The following DAB1 variants were observed in gnomAD, a reference collection of about 807,000 sequenced individuals.
DAB1 encodes disabled homolog 1.
DAB1 carries 15 observed loss-of-function variants against 64.6 expected under a neutral mutation model. That is an observed-to-expected ratio of 0.23 (90% CI 0.16 to 0.36). DAB1 has a LOEUF of 0.36. Ranked by LOEUF, DAB1 falls within the 10% of genes least tolerant of loss-of-function variation. DAB1 has a pLI of 1.00. For missense variants in DAB1, 596 were observed against 706.7 expected (o/e 0.84, Z 1.78); for synonymous variants, 235 against 251.9 (o/e 0.93, Z 0.64).
intron 4 of DAB1, among the ~76,000 whole-genome samples, chr1:58,185,604 G>A (rs544847509): frequency 6.6e-6 from 1 of 152,212 alleles, no homozygotes; most frequent in South Asian, 2.1e-4. Flanking sequence ...TTTAATATAT[G>A]ATATCCCTCT....
chr1:57,039,869 C>T (rs757469515), intron 9 of DAB1, among the ~76,000 whole-genome samples: 1 of 152,060 alleles, frequency 6.6e-6, no homozygotes, highest in Non-Finnish European at 1.5e-5. Flanking sequence ...AATTGTGACG[C>T]CTGAGAAATG....
intron 4 of DAB1, among the ~76,000 whole-genome samples, chr1:58,315,792 T>C (rs1220088449): frequency 1.3e-5 from 2 of 152,160 alleles, no homozygotes; most frequent in East Asian, 3.9e-4. Context: ...TTCTCGTAAA[T>C]CACGGGAGCA....
chr1:58,337,979 T>C (rs547001655), intron 4 of DAB1, among the ~76,000 whole-genome samples: 1 of 121,614 alleles, frequency 8.2e-6, no homozygotes, highest in South Asian at 2.7e-4. Flanking sequence ...AACTTACATG[T>C]TTTTTCCACT....
chr1:57,798,266 T>A (rs1207334997), intron 6 of DAB1, among the ~76,000 whole-genome samples: 1 of 152,214 alleles, frequency 6.6e-6, no homozygotes, highest in Non-Finnish European at 1.5e-5. Flanking sequence ...AGCAGAGAGC[T>A]GCGGTGACTT....
chr1:57,543,831 G>A (rs1219540041), intron 7 of DAB1, among the ~76,000 whole-genome samples: 1 of 151,886 alleles, frequency 6.6e-6, no homozygotes, highest in Non-Finnish European at 1.5e-5. Context: ...AGCCAGGTGT[G>A]GTGGCACACA....
At chr1:57,664,988 A>C (rs1416524042) in intron 6 of DAB1, among the ~76,000 whole-genome samples, 1 of 152,056 alleles carries the variant, frequency 6.6e-6, no homozygotes, top group African/African-American at 2.4e-5. Flanking sequence ...AATTTCTAAA[A>C]TTTCTACCAT....
chr1:57,250,127 G>C (rs139970544), intron 2 of DAB1, among the ~76,000 whole-genome samples: 12 of 152,248 alleles, frequency 7.9e-5, no homozygotes, highest in African/African-American at 2.9e-4. Flanking sequence ...AAATAAAAGT[G>C]CTTGCCCAAG....
chr1:58,448,738 G>A (rs1458845800), intron 3 of DAB1, among the ~76,000 whole-genome samples: 1 of 152,158 alleles, frequency 6.6e-6, no homozygotes, highest in Non-Finnish European at 1.5e-5. Context: ...AGAAATAAGG[G>A]GAAAATCCCA....
chr1:57,848,533 T>C (rs754993013), intron 1 of DAB1, among the ~76,000 whole-genome samples: 5 of 152,218 alleles, frequency 3.3e-5, no homozygotes, highest in Non-Finnish European at 5.9e-5. Context: ...TCACTTCTAC[T>C]GAGTCACAGC....
intron 3 of DAB1, among the ~76,000 whole-genome samples, chr1:58,407,458 G>A (rs1036114195): frequency 1.3e-5 from 2 of 152,172 alleles, no homozygotes; most frequent in Non-Finnish European, 2.9e-5. Context: ...ACCAAGGGAT[G>A]ATATCAGGAA....
intron 7 of DAB1, among the ~76,000 whole-genome samples, chr1:57,579,297 T>C (rs1166494194): frequency 6.6e-6 from 1 of 152,232 alleles, no homozygotes; most frequent in Non-Finnish European, 1.5e-5. Flanking sequence ...TTCCTTGTTC[T>C]GTGATAGACA....
At chr1:57,241,923 C>T (rs1668523126) in intron 2 of DAB1, among the ~76,000 whole-genome samples, 2 of 152,192 alleles carry the variant, frequency 1.3e-5, no homozygotes, top group Non-Finnish European at 2.9e-5. Context: ...TTTCCAACAG[C>T]TCTTATGAAT....
At chr1:57,053,666 G>GTATATATATATATATATA (rs71051215) in intron 9 of DAB1, among the ~76,000 whole-genome samples, 8 of 99,160 alleles carry the variant, frequency 8.1e-5, no homozygotes, top group African/African-American at 2.6e-4. Context: ...CTCTCTATAT[G>GTATATATATATATATATA]TATATATATA....
At chr1:57,043,402 G>A (rs1648051421) in intron 9 of DAB1, among the ~76,000 whole-genome samples, 1 of 152,076 alleles carries the variant, frequency 6.6e-6, no homozygotes, top group African/African-American at 2.4e-5. Context: ...AAGCTTTCAT[G>A]AAGAAATGCT....
rs549985262 is a variant in DAB1 at position 57,052,213 on chromosome 1, C to T, written c.723+10671G>A. 9.3e-4 allele frequency among the ~76,000 whole-genome samples: 142 copies of T among 152,262 alleles called. 1 individual carries two copies. Among genetic ancestry groups the T allele is most frequent in the African/African-American group, 3.4e-3 (140 of 41,558 alleles). ...ACAGCAGATGCTCAATAAAGTCTAG[C>T]TACTTTTTCTACAGCAAAATCAACC... On this transcript the variant is annotated intron_variant, in intron 9 of 14. Transcript: ENST00000371236.
At chr1:57,935,418 T>A (rs1313940468) in intron 5 of DAB1, among the ~76,000 whole-genome samples, 5 of 152,210 alleles carry the variant, frequency 3.3e-5, no homozygotes. Flanking sequence ...TCAATAAATG[T>A]CAAGTAGTAT....
intron 6 of DAB1, among the ~76,000 whole-genome samples, chr1:57,701,675 C>A (rs556105280): frequency 6.6e-6 from 1 of 151,328 alleles, no homozygotes; most frequent in Non-Finnish European, 1.5e-5. Context: ...CATATGTACC[C>A]TAAAACTTAA....
intron 6 of DAB1, among the ~76,000 whole-genome samples, chr1:57,695,323 A>AGAAAGAAG (rs1557427678): frequency 8.4e-6 from 1 of 118,476 alleles, no homozygotes; most frequent in African/African-American, 3.1e-5. Flanking sequence ...AAAGAAAGAA[A>AGAAAGAAG]GAAAGAAAGA....
intron 7 of DAB1, among the ~76,000 whole-genome samples, chr1:57,608,467 T>A (rs1645687480): frequency 6.6e-6 from 1 of 152,188 alleles, no homozygotes; most frequent in African/African-American, 2.4e-5. Context: ...TAAAAGAATT[T>A]CCAGTAAAGC....
Sources: gnomAD v4.1 joint callset for allele counts (sites outside exome capture counted in the v4.1 genomes callset) on GRCh38, gnomAD v4.1.1 for gene constraint, MANE v1.5 for transcripts, NCBI Gene and HGNC (gene_info 2026-07-23, HGNC 2026-07-21) for gene names.